Variants in AMPH observed in about 807,000 individuals in gnomAD.
The protein encoded by AMPH is amphiphysin (Stiff-Mann syndrome with breast cancer 128kD autoantigen).
A neutral mutation model predicts 99.1 loss-of-function variants in AMPH; 49 were observed. The observed-to-expected ratio is 0.49, with a 90% CI of 0.39 to 0.63. The LOEUF (loss-of-function observed/expected upper bound fraction) is 0.63, where lower values mean the gene tolerates loss of function less well. AMPH is among the 20% of genes least tolerant of loss of function. The pLI is 0.00. For missense variants in AMPH, 759 were observed against 863.4 expected (o/e 0.88, Z 1.52); for synonymous variants, 314 against 317.3 (o/e 0.99, Z 0.11).
chr7:38,408,483 C>T (rs985941031), intron 17 of AMPH, among the ~76,000 whole-genome samples: 2 of 152,064 alleles, frequency 1.3e-5, no homozygotes, highest in African/African-American at 4.8e-5. Flanking sequence ...TTACTTAGGC[C>T]GGGCGCAGTG....
chr7:38,571,236 A>G (rs1244834401), intron 1 of AMPH, among the ~76,000 whole-genome samples: 2 of 92,386 alleles, frequency 2.2e-5, no homozygotes, highest in African/African-American at 9.0e-5. Context: ...TTAATTATAT[A>G]TATAATTATA....
chr7:38,472,685 T>G (rs1355726774), intron 7 of AMPH, among the ~76,000 whole-genome samples: 2 of 152,262 alleles, frequency 1.3e-5, no homozygotes, highest in East Asian at 1.9e-4. Context: ...AAGGAAGGCC[T>G]AAGTCAGGTT....
chr7:38,466,832 T>C (rs1289701749), intron 7 of AMPH, among the ~76,000 whole-genome samples: 2 of 152,170 alleles, frequency 1.3e-5, no homozygotes, highest in African/African-American at 4.8e-5. Context: ...TAAGAGCGTG[T>C]CATCACTGAG....
chr7:38,398,102 T>C (rs1224863482), intron 17 of AMPH, among the ~76,000 whole-genome samples: 1 of 128,330 alleles, frequency 7.8e-6, no homozygotes, highest in Non-Finnish European at 1.6e-5. Context: ...GTTTGGAGGT[T>C]CCTCAAAAAA....
chr7:38,475,449 A>C, intron 6 of AMPH, 33 bp from the exon 7 acceptor site: 1 of 1,428,046 alleles, frequency 7.0e-7, no homozygotes, highest in East Asian at 2.3e-5. Flanking sequence ...GTTTACACTA[A>C]GAAAGACCAT....
At chr7:38,454,528 T>A (rs1787155451) in intron 11 of AMPH, among the ~76,000 whole-genome samples, 1 of 150,596 alleles carries the variant, frequency 6.6e-6, no homozygotes. Flanking sequence ...AATTCTTGAG[T>A]CAATTAAAAA....
chr7:38,520,541 G>A (rs544989984), intron 2 of AMPH, among the ~76,000 whole-genome samples: 3 of 152,308 alleles, frequency 2.0e-5, no homozygotes, highest in Admixed American at 1.3e-4. Flanking sequence ...ACTAAACGTT[G>A]AGTCTTCCTT....
chr7:38,452,355 A>G (rs1261300120), intron 11 of AMPH, among the ~76,000 whole-genome samples: 2 of 152,214 alleles, frequency 1.3e-5, no homozygotes, highest in East Asian at 1.9e-4. Flanking sequence ...AAAGCTGTCT[A>G]GTTTTCAATG....
In AMPH at chr7:38,487,469, T is replaced by G. The variant is rs375830999; in HGVS notation, c.396+3581A>C. 7.9e-5 allele frequency among the ~76,000 whole-genome samples: 12 copies of G among 152,176 alleles called. No individual in the cohort carries two copies. The East Asian group carries it at 9.6e-4, about 12-fold the overall frequency. On this transcript the variant is annotated intron_variant, in intron 5 of 20. Transcript: ENST00000356264. ...TAGTGTTGGGAAAACTGGCTAGCTATATGCAGAAAACTGAAACTGGACCCC... is the reference window on the plus strand; with the variant it reads ...TAGTGTTGGGAAAACTGGCTAGCTAGATGCAGAAAACTGAAACTGGACCCC...
chr7:38,612,600 G>A (rs972799800), intron 1 of AMPH, among the ~76,000 whole-genome samples: 1 of 152,102 alleles, frequency 6.6e-6, no homozygotes, highest in South Asian at 2.1e-4. Flanking sequence ...TTCTATCTTG[G>A]TCTTATCTAA....
In AMPH at chr7:38,384,695, C is replaced by T; in HGVS notation, c.*123G>A. On this transcript the variant is annotated 3_prime_UTR_variant, in exon 21 of 21. Coordinates refer to ENST00000356264, the MANE Select transcript of AMPH (RefSeq NM_001635.4). ...ACACATGCTCCATTGATACATCTTCCCAAGGTTTGTCTGGCATCAGTCTGT... is the reference window on the plus strand; with the variant it reads ...ACACATGCTCCATTGATACATCTTCTCAAGGTTTGTCTGGCATCAGTCTGT... 1.2e-6 allele frequency: 1 copy of T among 803,446 alleles called. No homozygotes were observed. The highest frequency in any genetic ancestry group is 2.0e-6 in the Non-Finnish European group (1 of 495,960). 49.8% of individuals were successfully genotyped at this position (803,446 alleles called of 1,614,324 possible). A position where few individuals can be genotyped will look rare whatever the true frequency, so the allele number is the denominator to read the frequency against.
At chr7:38,471,217 C>T (rs570443372) in intron 7 of AMPH, among the ~76,000 whole-genome samples, 18 of 152,272 alleles carry the variant, frequency 1.2e-4, no homozygotes, top group African/African-American at 4.3e-4. Context: ...GTTCCATGAA[C>T]CCAGATATCT....
At chr7:38,603,044 C>T (rs896197057) in intron 1 of AMPH, among the ~76,000 whole-genome samples, 3 of 152,066 alleles carry the variant, frequency 2.0e-5, no homozygotes, top group African/African-American at 7.2e-5. Flanking sequence ...AAAATAGTAC[C>T]ATATCTATTT....
At chr7:38,416,893 A>G (rs959885706) in intron 17 of AMPH, among the ~76,000 whole-genome samples, 5 of 152,206 alleles carry the variant, frequency 3.3e-5, no homozygotes, top group Admixed American at 1.3e-4. Context: ...TGAACTGTTG[A>G]TGTGACAGAT....
At chr7:38,463,195 C>T in intron 9 of AMPH, 82 bp from the exon 10 acceptor site, 1 of 1,586,048 alleles carries the variant, frequency 6.3e-7, no homozygotes, top group Non-Finnish European at 8.7e-7. Flanking sequence ...TTCAGAGAAA[C>T]CCAGAAGCCT....
At chr7:38,441,847 A>ATC in intron 11 of AMPH, among the ~76,000 whole-genome samples, 1 of 98,556 alleles carries the variant, frequency 1.0e-5, no homozygotes, top group Admixed American at 1.2e-4. Flanking sequence ...TATATCATAT[A>ATC]TATCATATAT....
chr7:38,524,114 A>G (rs1204317681), intron 2 of AMPH, among the ~76,000 whole-genome samples: 7 of 152,204 alleles, frequency 4.6e-5, no homozygotes, highest in Admixed American at 4.6e-4. Context: ...TACACTGGGC[A>G]TCACTTTCTT....
chr7:38,443,481 C>T (rs10230064), intron 11 of AMPH, among the ~76,000 whole-genome samples: 46,114 of 151,896 alleles, frequency 0.3, 7,457 homozygotes, highest in South Asian at 0.42. Flanking sequence ...AAAAGATACA[C>T]AGATAAAAAG....
chr7:38,526,433 C>CATT (rs766202173), intron 2 of AMPH, among the ~76,000 whole-genome samples: 3 of 72,566 alleles, frequency 4.1e-5, no homozygotes, highest in Non-Finnish European at 6.9e-5. Flanking sequence ...CCATGCCCGG[C>CATT]TTTTTTTTTT....
Sources: gnomAD v4.1 joint callset for allele counts (sites outside exome capture counted in the v4.1 genomes callset) on GRCh38, gnomAD v4.1.1 for gene constraint, MANE v1.5 for transcripts, NCBI Gene and HGNC (gene_info 2026-07-23, HGNC 2026-07-21) for gene names.